NRDE2: variants seen among roughly 807,000 people sequenced by gnomAD.
The protein encoded by NRDE2 is NRDE-2, necessary for RNA interference, domain containing.
In NRDE2, 76 loss-of-function variants were observed where a neutral mutation model predicts 124.2. That is an observed-to-expected ratio of 0.61 (90% CI 0.51 to 0.74). The LOEUF (loss-of-function observed/expected upper bound fraction) is 0.74, where lower values mean the gene tolerates loss of function less well. Ranked by LOEUF, NRDE2 falls within the 30% of genes least tolerant of loss-of-function variation. NRDE2 has a pLI of 0.00. For missense variants in NRDE2, 1,314 were observed against 1,417.3 expected (o/e 0.93, Z 1.17); for synonymous variants, 489 against 528.1 (o/e 0.93, Z 1.01).
chr14:90,292,869 T>C lies in NRDE2; in HGVS notation c.1670A>G (p.Glu557Gly). 6.2e-7 allele frequency: 1 copy of C among 1,612,922 alleles called. No individual in the cohort carries two copies. Among genetic ancestry groups the C allele is most frequent in the Non-Finnish European group, 8.5e-7 (1 of 1,179,124 alleles). ...ATCCTCTTCTGGTTCATCGTCATCCTCATCTAGACAAGAATGAGACTTCTT... is the reference window on the plus strand; with the variant it reads ...ATCCTCTTCTGGTTCATCGTCATCCCCATCTAGACAAGAATGAGACTTCTT... ...RGGWVVINPDEDDDEPEEDDQ... is the reference protein window; with the variant it reads ...RGGWVVINPDGDDDEPEEDDQ... Residue 557 changes from glutamate (E) to glycine (G), a missense_variant, in exon 9 of 14, where the codon GAG (glutamate) becomes GGG (glycine). Transcript: ENST00000354366.
Position 90,288,949 on chromosome 14 carries a change from A to T in NRDE2, c.2426T>A (p.Met809Lys), listed in dbSNP as rs548265589. The change falls in exon 11 of 14, where the codon ATG (methionine) becomes AAG (lysine). Residue 809 changes from methionine to lysine, a missense_variant. Transcript: ENST00000354366. ...ARKVFDTALG[M>K]AGSRELKDSD... ...GTCTTTCAGTTCTCTGCTTCCTGCCATGCCAAGTGCTGTGTCAAAAACTTT... is the reference window on the plus strand; with the variant it reads ...GTCTTTCAGTTCTCTGCTTCCTGCCTTGCCAAGTGCTGTGTCAAAAACTTT... 6.2e-7 allele frequency: 1 copy of T among 1,612,202 alleles called. No individual in the cohort carries two copies.
At chr14:90,307,134 T>C (rs1165090449) in intron 4 of NRDE2, among the ~76,000 whole-genome samples, 1 of 152,256 alleles carries the variant, frequency 6.6e-6, no homozygotes, top group Admixed American at 6.5e-5. Flanking sequence ...TATATATGTG[T>C]GTGCACATAC....
chr14:90,284,936 A>G (rs1892058521), intron 12 of NRDE2, among the ~76,000 whole-genome samples: 1 of 152,116 alleles, frequency 6.6e-6, no homozygotes, highest in African/African-American at 2.4e-5. Flanking sequence ...GTGTCTCACC[A>G]TATTTAATCT....
Position 90,312,333 on chromosome 14 carries a change from G to C in NRDE2, c.557+61C>G, listed in dbSNP as rs374317796. ...CAGGCAGGCAGACAGTGCCAAGAGAGTTCCGAGGAGAAAAAAGTCACTTTC... is the reference window on the plus strand; with the variant it reads ...CAGGCAGGCAGACAGTGCCAAGAGACTTCCGAGGAGAAAAAAGTCACTTTC... On this transcript the variant is annotated intron_variant, in intron 4 of 13. Transcript: ENST00000354366. 182 of 1,541,960 alleles carry C rather than the reference G, an allele frequency of 1.2e-4. 4 individuals carry two copies. The South Asian group carries it at 2.0e-3, about 17-fold the overall frequency.
rs1325148374 is a variant in NRDE2 at position 90,271,357 on chromosome 14, C to G, written c.*6979G>C. Reference sequence around the variant, plus strand: ...TAATATGTTTGTTTGCTGTCCTTCTCTATCTATTTCCTTCATTTCTCTTTC... The same window carrying G: ...TAATATGTTTGTTTGCTGTCCTTCTGTATCTATTTCCTTCATTTCTCTTTC... On this transcript the variant is annotated 3_prime_UTR_variant, in exon 14 of 14. Transcript: ENST00000354366. 5 of 152,144 alleles carry G rather than the reference C, an allele frequency of 3.3e-5. No individual in the cohort carries two copies. The highest frequency in any genetic ancestry group is 1.2e-4 in the African/African-American group (5 of 41,428). 9.4% of individuals were successfully genotyped at this position (152,144 alleles called of 1,614,324 possible).
chr14:90,296,693 C>T (rs917751007), intron 8 of NRDE2, among the ~76,000 whole-genome samples: 3 of 152,204 alleles, frequency 2.0e-5, no homozygotes, highest in Admixed American at 1.3e-4. Flanking sequence ...ATCACTCTTT[C>T]CCTATAGAAC....
intron 7 of NRDE2, among the ~76,000 whole-genome samples, chr14:90,298,995 T>A (rs1452741936): frequency 6.6e-6 from 1 of 152,226 alleles, no homozygotes; most frequent in South Asian, 2.1e-4. Flanking sequence ...TAAACGCTTG[T>A]TGGCACAGAT....
At chr14:90,294,227 G>A (rs1406073554) in intron 8 of NRDE2, among the ~76,000 whole-genome samples, 2 of 152,044 alleles carry the variant, frequency 1.3e-5, no homozygotes, top group African/African-American at 4.8e-5. Context: ...TCCCAGGGAT[G>A]TGGACAAATC....
rs937986044 is a variant in NRDE2, at chr14:90,271,270, T to C, written c.*7066A>G. The C allele has an allele frequency of 1.1e-4, 16 of 152,296 alleles. 1 individual carries two copies. The highest frequency in any genetic ancestry group is 3.6e-4 in the African/African-American group (15 of 41,570). 9.4% of individuals were successfully genotyped at this position (152,296 alleles called of 1,614,324 possible). On this transcript the variant is annotated 3_prime_UTR_variant, in exon 14 of 14. Transcript: ENST00000354366. The stretch of plus-strand genomic sequence containing the variant: ...TGCCAGGATTGTGTTTTTTGCCACA[T>C]CTTGTTTTTGCCACAGTAATTACTG...
chr14:90,326,217 G>T (rs141010768), intron 1 of NRDE2, among the ~76,000 whole-genome samples: 1 of 152,156 alleles, frequency 6.6e-6, no homozygotes, highest in Admixed American at 6.5e-5. Flanking sequence ...GAGGGAGGCC[G>T]GGCGCGGTGG....
At chr14:90,330,808 A>C (rs1466357871) in intron 1 of NRDE2, among the ~76,000 whole-genome samples, 2 of 2,242 alleles carry the variant, frequency 8.9e-4, no homozygotes, top group Admixed American at 0.022. Context: ...ACCCTGTCTC[A>C]AAAAAAAAAA....
Position 90,312,403 on chromosome 14 carries a change from T to G in NRDE2, c.548A>C (p.Asp183Ala). The stretch of plus-strand genomic sequence containing the variant: ...AAAACAAGGTGACTACCTTGCTATA[T>G]CCCCTCGGTAGAGAGACTTGTACTC... ...NWEYKSLYRG[D>A]IARYKRKGDS... The change falls in exon 4 of 14, where the codon GAT becomes GCT. Residue 183 changes from aspartate (D) to alanine (A), a missense_variant. Coordinates refer to ENST00000354366, the MANE Select transcript of NRDE2 (RefSeq NM_017970.4). 6.2e-7 allele frequency: 1 copy of G among 1,613,720 alleles called. No homozygotes were observed. The highest frequency in any genetic ancestry group is 1.1e-5 in the South Asian group (1 of 91,058).
At position 90,290,520 on chromosome 14, in the gene NRDE2, A is replaced by G; in HGVS notation, c.1930T>C (p.Leu644=). 6.2e-7 allele frequency: 1 copy of G among 1,614,092 alleles called. No homozygotes were observed. The highest frequency in any genetic ancestry group is 1.7e-5 in the Admixed American group (1 of 60,028). The change falls in exon 10 of 14, where the codon TTG becomes CTG. Residue 644 remains leucine (L), a synonymous_variant. Coordinates refer to ENST00000354366, the MANE Select transcript of NRDE2 (RefSeq NM_017970.4). ...FQLVEAFLQF[L]GVPSGFTPPA... ...GGAGTAAAGCCAGAAGGCACACCCA[A>G]GAACTGCAGGAAGGCCTCCACCAGC...
intron 4 of NRDE2, among the ~76,000 whole-genome samples, chr14:90,311,215 C>G (rs1329563156): frequency 6.6e-6 from 1 of 152,222 alleles, no homozygotes; most frequent in African/African-American, 2.4e-5. Context: ...TCTCTATCTT[C>G]AATTCTCATT....
At position 90,303,932 on chromosome 14, in the gene NRDE2, T is replaced by C; in HGVS notation, c.1005+3A>G. The stretch of plus-strand genomic sequence containing the variant: ...GTAAGAGAATTGGGATGGCAACACA[T>C]ACCTGAAAAGCAACAAATGCCATCC... On this transcript the variant is annotated splice_donor_region_variant and intron_variant, in intron 5 of 13. Transcript: ENST00000354366. 1.3e-6 allele frequency: 2 copies of C among 1,597,270 alleles called. No individual in the cohort carries two copies. The highest frequency in any genetic ancestry group is 1.1e-5 in the South Asian group (1 of 88,706).
At chr14:90,281,880 T>C (rs1386008217) in intron 12 of NRDE2, among the ~76,000 whole-genome samples, 1 of 152,222 alleles carries the variant, frequency 6.6e-6, no homozygotes, top group Non-Finnish European at 1.5e-5. Flanking sequence ...GGTTTATCTC[T>C]GATAGAACTC....
chr14:90,301,292 C>T lies in NRDE2; in HGVS notation c.1492G>A (p.Asp498Asn). 3.1e-6 allele frequency: 5 copies of T among 1,613,746 alleles called. No homozygotes were observed. The highest frequency in any genetic ancestry group is 4.2e-6 in the Non-Finnish European group (5 of 1,179,834). The part of the protein sequence containing the change: ...KAISLFQAMV[D>N]FTFFKPDSVK... Reference sequence around the variant, plus strand: ...CTGTCGGGTTTGAAGAAGGTGAAGTCCACCATGGCCTGGAACAATGAGATG... The same window carrying T: ...CTGTCGGGTTTGAAGAAGGTGAAGTTCACCATGGCCTGGAACAATGAGATG... The change falls in exon 7 of 14, where the codon GAC becomes AAC. Residue 498 changes from aspartate (D) to asparagine (N), a missense_variant. Transcript: ENST00000354366.
At chr14:90,326,840 C>T (rs147120452) in intron 1 of NRDE2, among the ~76,000 whole-genome samples, 21 of 152,012 alleles carry the variant, frequency 1.4e-4, no homozygotes, top group Admixed American at 5.9e-4. Flanking sequence ...GTAAATTGAC[C>T]GCATATCCAC....
chr14:90,284,170 ATTC>A (rs1449365469), intron 12 of NRDE2, among the ~76,000 whole-genome samples: 3 of 152,160 alleles, frequency 2.0e-5, no homozygotes, highest in Non-Finnish European at 4.4e-5. Flanking sequence ...CACCCGATGA[ATTC>A]TGGAATCAAA....
Sources: gnomAD v4.1 joint callset for allele counts (sites outside exome capture counted in the v4.1 genomes callset) on GRCh38, gnomAD v4.1.1 for gene constraint, MANE v1.5 for transcripts, NCBI Gene and HGNC (gene_info 2026-07-23, HGNC 2026-07-21) for gene names.